UNC79: variants seen among roughly 807,000 people sequenced by gnomAD.
UNC79 encodes the protein unc-79 subunit of NALCN channel complex.
In UNC79, 37 loss-of-function variants were observed where a neutral mutation model predicts 283.1. That is an observed-to-expected ratio of 0.13 (90% confidence interval 0.10 to 0.17). The LOEUF is 0.17. UNC79 is among the 10% of genes least tolerant of loss of function. The pLI, the probability that UNC79 is intolerant of heterozygous loss-of-function variation, is 1.00. For missense variants in UNC79, 2,272 were observed against 3,211.1 expected (o/e 0.71, Z 7.07); for synonymous variants, 1,107 against 1,200.2 (o/e 0.92, Z 1.61).
chr14:93,511,897 C>T (rs1434009186), intron 7 of UNC79, among the ~76,000 whole-genome samples: 1 of 151,972 alleles, frequency 6.6e-6, no homozygotes, highest in East Asian at 1.9e-4. Context: ...ATTTTTTCTT[C>T]TTTTTCCTAG....
chr14:93,627,440 C>T (rs532877359), intron 30 of UNC79, among the ~76,000 whole-genome samples: 25 of 152,234 alleles, frequency 1.6e-4, no homozygotes, highest in African/African-American at 5.3e-4. Context: ...TTATTTAGTT[C>T]GAGAGTCTAC....
chr14:93,463,458 G>GT (rs1308661464), intron 1 of UNC79, among the ~76,000 whole-genome samples: 1 of 152,108 alleles, frequency 6.6e-6, no homozygotes, highest in Non-Finnish European at 1.5e-5. Context: ...CAGGAGAGAG[G>GT]TTTTTTCTTT....
chr14:93,616,856 G>A (rs2066767639), intron 27 of UNC79, among the ~76,000 whole-genome samples: 1 of 152,110 alleles, frequency 6.6e-6, no homozygotes, highest in Non-Finnish European at 1.5e-5. Flanking sequence ...TAGTTGAATG[G>A]ACAAAATTTT....
intron 14 of UNC79, among the ~76,000 whole-genome samples, chr14:93,558,539 G>C (rs2062323565): frequency 7.4e-6 from 1 of 136,038 alleles, no homozygotes; most frequent in South Asian, 2.4e-4. Context: ...CTGGGGGACA[G>C]AGCAAGACTC....
At position 93,474,210 on chromosome 14, in the gene UNC79, T is replaced by A. The variant is rs1267447012; in HGVS notation, c.265T>A (p.Ser89Thr). 1.3e-6 allele frequency: 2 copies of A among 1,535,980 alleles called. No homozygotes were observed. The highest frequency in any genetic ancestry group is 2.7e-5 in the African/African-American group (2 of 73,048). Residue 89 changes from serine to threonine, a missense_variant, in exon 3 of 49, where the codon TCC (serine) becomes ACC (threonine). Ser to Thr is a moderately conservative substitution (Grantham distance 58). Around this residue, in one of 11 missense-constraint regions of UNC79, gnomAD observed 194 missense variants for 268.9 expected, o/e 0.72. Coordinates refer to ENST00000555664, the Ensembl canonical transcript of UNC79. This position sits in a 1 kb window ranked among gnomAD's most constrained non-coding sequence, Gnocchi z 4.1. ...CCCATCTCTAAGACCGCAGGTCAGT[T>A]CCATCAACCCTACTGTTACTCGCTC... is the stretch of plus-strand genomic sequence containing the variant.
At chr14:93,605,054 TA>T (rs2065785388) in intron 26 of UNC79, 93 bp downstream of exon 27, 1 of 1,360,464 alleles carries the variant, frequency 7.4e-7, no homozygotes, top group South Asian at 1.6e-5. Flanking sequence ...ACCAGGGTGA[TA>T]TACCTAGGAT....
intron 1 of UNC79, among the ~76,000 whole-genome samples, chr14:93,357,756 GATAT>G (rs540250021): frequency 1.2e-5 from 1 of 83,270 alleles, no homozygotes; most frequent in Non-Finnish European, 2.6e-5. Context: ...TGGATATATG[GATAT>G]ATATATATGG....
intron 40 of UNC79, among the ~76,000 whole-genome samples, chr14:93,663,689 A>G (rs541280221): frequency 1.3e-5 from 2 of 152,192 alleles, no homozygotes; most frequent in East Asian, 3.9e-4. Flanking sequence ...GCCTGGAGCA[A>G]TATGTTTTCT....
intron 27 of UNC79, among the ~76,000 whole-genome samples, chr14:93,615,099 C>A (rs2066601382): frequency 6.6e-6 from 1 of 152,154 alleles, no homozygotes. Flanking sequence ...AGGGCTTAGG[C>A]ACTCTCTGCT....
At chr14:93,488,883 C>T (rs1277830625) in intron 5 of UNC79, among the ~76,000 whole-genome samples, 1 of 152,214 alleles carries the variant, frequency 6.6e-6, no homozygotes, top group African/African-American at 2.4e-5. Flanking sequence ...GACCTAATTA[C>T]TTCCTAAAGG....
chr14:93,426,455 AT>A (rs528607496), upstream of UNC79, among the ~76,000 whole-genome samples: 15 of 150,602 alleles, frequency 1.0e-4, no homozygotes, highest in African/African-American at 3.4e-4. Flanking sequence ...ATATTAATAT[AT>A]TATTAGTATT....
chr14:93,549,435 T>G (rs1276942467), intron 14 of UNC79, among the ~76,000 whole-genome samples: 1 of 152,206 alleles, frequency 6.6e-6, no homozygotes, highest in African/African-American at 2.4e-5. Flanking sequence ...AACACAGCTG[T>G]TTTTATTAAA....
rs2074421416 is a variant in UNC79, at chr14:93,688,461, C to T, written c.6910-204C>T. Among the ~76,000 whole-genome samples the T allele has an allele frequency of 6.6e-6, 1 of 152,090 alleles. No homozygotes were observed. The highest frequency in any genetic ancestry group is 2.1e-4 in the South Asian group (1 of 4,802). The stretch of plus-strand genomic sequence containing the variant: ...GGCAGAAGGGGTAAGTTCTCAGTGG[C>T]TGGATCTTTCTGGCTTTGTAGGCTA... On this transcript the variant is annotated intron_variant, in intron 43 of 48. Coordinates refer to ENST00000555664, the Ensembl canonical transcript of UNC79. The surrounding 1 kb of genome is among the most constrained non-coding windows in gnomAD (Gnocchi z 4.0).
At chr14:93,666,501 G>A (rs1161307736) in intron 40 of UNC79, among the ~76,000 whole-genome samples, 4 of 152,032 alleles carry the variant, frequency 2.6e-5, no homozygotes, top group Non-Finnish European at 4.4e-5. Flanking sequence ...AAGTTGAAAA[G>A]CATTATTACA....
At chr14:93,584,350 G>T (rs186831824) in intron 20 of UNC79, among the ~76,000 whole-genome samples, 1 of 152,282 alleles carries the variant, frequency 6.6e-6, no homozygotes, top group Non-Finnish European at 1.5e-5. Context: ...ACAAACAAAA[G>T]CTCCACTCCC....
intron 7 of UNC79, among the ~76,000 whole-genome samples, chr14:93,511,120 C>T (rs886098234): frequency 1.2e-4 from 19 of 152,194 alleles, no homozygotes; most frequent in East Asian, 3.9e-4. Flanking sequence ...GGAGGTGCCA[C>T]GCACTTTTAG....
chr14:93,421,998 G>A (rs2055611045), intron 1 of UNC79, among the ~76,000 whole-genome samples: 1 of 151,752 alleles, frequency 6.6e-6, no homozygotes, highest in Admixed American at 6.6e-5. Context: ...GGGTATAGAA[G>A]TGTGAACCCA....
intron 40 of UNC79, among the ~76,000 whole-genome samples, chr14:93,664,885 A>T (rs1269186924): frequency 6.6e-6 from 1 of 152,138 alleles, no homozygotes. Flanking sequence ...GCCCAGCAGG[A>T]TTCCTATAGT....
intron 14 of UNC79, among the ~76,000 whole-genome samples, chr14:93,569,909 C>T (rs2063118577): frequency 6.6e-6 from 1 of 152,110 alleles, no homozygotes; most frequent in African/African-American, 2.4e-5. Context: ...TGTAAAGACT[C>T]AGTAAAGCCA....
Sources: allele counts gnomAD v4.1 joint callset (sites outside exome capture counted in the v4.1 genomes callset), GRCh38; gene constraint gnomAD v4.1.1; regional missense constraint gnomAD v4.1.1; non-coding constraint Gnocchi (gnomAD v3.1); transcripts MANE v1.5; gene names NCBI Gene and HGNC (gene_info 2026-07-23, HGNC 2026-07-21).